Variants in MNS1 observed in about 807,000 individuals in gnomAD.
MNS1 encodes meiosis-specific nuclear structural protein 1.
In MNS1, 63 loss-of-function variants were observed where a neutral mutation model predicts 72.0. That is an observed-to-expected ratio of 0.87 (90% CI 0.71 to 1.08). MNS1 has a LOEUF of 1.08. Ranked by LOEUF, MNS1 falls within the 50% of genes least tolerant of loss-of-function variation. The pLI, the probability that MNS1 is intolerant of heterozygous loss-of-function variation, is 0.00. For synonymous variants in MNS1, 188 were observed against 172.1 expected, an observed-to-expected ratio of 1.09 and a Z score of -0.72; for missense variants, 604 against 562.4, an observed-to-expected ratio of 1.07 and a Z score of -0.75.
Position 56,461,975 on chromosome 15 carries a change from G to GTTTT in MNS1, c.225+2047_225+2050dup, listed in dbSNP as rs56022687. Among the ~76,000 whole-genome samples, 325 of 97,740 alleles carry GTTTT rather than the reference G, an allele frequency of 3.3e-3. 4 individuals are homozygous for GTTTT. Among genetic ancestry groups the GTTTT allele is most frequent in the Middle Eastern group, 5.6e-3 (1 of 178 alleles). 64.1% of individuals were successfully genotyped at this position (97,740 alleles called of 152,430 possible). On this transcript the variant is annotated intron_variant, in intron 2 of 9. Transcript: ENST00000260453. ...AATAACAAAGTGTTTTTTTGTTGTT[G>GTTTT]TTTTTTTTTTTTTTTTTTTTTTTTT...
At chr15:56,448,432 T>C (rs1200449175) in intron 3 of MNS1, among the ~76,000 whole-genome samples, 1 of 152,138 alleles carries the variant, frequency 6.6e-6, no homozygotes, top group Non-Finnish European at 1.5e-5. Flanking sequence ...TGTTCCCATA[T>C]ATGTCTATGT....
chr15:56,464,391 T>C, intron 1 of MNS1, 144 bp from the exon 2 acceptor site: 1 of 627,132 alleles, frequency 1.6e-6, no homozygotes, highest in South Asian at 2.0e-5. Flanking sequence ...GAATAAAAAG[T>C]AAACGTGGTA....
intron 8 of MNS1, among the ~76,000 whole-genome samples, chr15:56,433,360 T>C (rs1303518522): frequency 2.6e-5 from 4 of 151,928 alleles, no homozygotes; most frequent in South Asian, 2.1e-4. Flanking sequence ...CAAACCACCA[T>C]GGCACATGTA....
intron 2 of MNS1, among the ~76,000 whole-genome samples, chr15:56,458,970 A>G (rs4774860): frequency 0.3 from 45,519 of 152,134 alleles, 7,278 homozygotes; most frequent in Middle Eastern, 0.48. Flanking sequence ...TAAATGCTAT[A>G]GATATATATA....
intron 7 of MNS1, among the ~76,000 whole-genome samples, chr15:56,441,160 A>G (rs936525574): frequency 1.3e-5 from 2 of 152,152 alleles, no homozygotes; most frequent in Non-Finnish European, 2.9e-5. Flanking sequence ...TTATTTAGAA[A>G]TATATTGTTT....
chr15:56,458,257 T>C (rs1172427815), intron 2 of MNS1, among the ~76,000 whole-genome samples: 4 of 152,210 alleles, frequency 2.6e-5, no homozygotes, highest in Admixed American at 2.0e-4. Flanking sequence ...ATGTTGTGTA[T>C]CTATCACCAC....
At chr15:56,457,009 T>C (rs893318034) in intron 2 of MNS1, among the ~76,000 whole-genome samples, 1 of 152,206 alleles carries the variant, frequency 6.6e-6, no homozygotes, top group Admixed American at 6.5e-5. Context: ...ATTCAAGCTT[T>C]CCCAATTGTC....
chr15:56,439,767 A>C (rs902591551), intron 7 of MNS1, among the ~76,000 whole-genome samples: 76 of 151,298 alleles, frequency 5.0e-4, no homozygotes, highest in Non-Finnish European at 7.5e-4. Flanking sequence ...AAAAAAACCC[A>C]AAAAAACAAA....
Position 56,444,490 on chromosome 15 carries a change from G to A in MNS1, c.640C>T (p.Leu214Phe). The change falls in exon 5 of 10, where the codon CTC becomes TTC. Residue 214 changes from leucine to phenylalanine, a missense_variant. Coordinates refer to ENST00000260453, the MANE Select transcript of MNS1 (RefSeq NM_018365.4). ...TTCCTAACAATTTCATCAATCATGAGTTTCTCTTTTAGCAGCTGCTCATAA... is the reference window on the plus strand; with the variant it reads ...TTCCTAACAATTTCATCAATCATGAATTTCTCTTTTAGCAGCTGCTCATAA... ...EAYEQLLKEK[L>F]MIDEIVRKIY... 1 of 1,608,990 alleles carries A rather than the reference G, an allele frequency of 6.2e-7. No individual in the cohort carries two copies. The highest frequency in any genetic ancestry group is 8.5e-7 in the Non-Finnish European group (1 of 1,178,812).
intron 7 of MNS1, among the ~76,000 whole-genome samples, chr15:56,440,526 T>G (rs795792): frequency 1 from 152,140 of 152,286 alleles, 75,997 homozygotes; most frequent in Non-Finnish European, 1. Flanking sequence ...AATGTTTACA[T>G]CAGATTTACT....
intron 7 of MNS1, 53 bp from the exon 8 acceptor site, chr15:56,434,448 T>C: frequency 1.3e-6 from 2 of 1,526,714 alleles, no homozygotes; most frequent in Non-Finnish European, 1.8e-6. Context: ...ACACCAGATT[T>C]ATAAGGAAAG....
rs527975098 is a variant in MNS1 at position 56,450,587 on chromosome 15, AT to A, written c.354-3645del. 1.1e-3 allele frequency among the ~76,000 whole-genome samples: 158 copies of A among 149,318 alleles called. 1 individual carries two copies. The highest frequency in any genetic ancestry group is 6.4e-3 in the East Asian group (33 of 5,130). ...ATATTTTAGCATGTATCAGTGCTTC[AT>A]TTTTTTTTTATAACTGAAGGATATT... On this transcript the variant is annotated intron_variant, in intron 3 of 9. Coordinates refer to ENST00000260453, the MANE Select transcript of MNS1 (RefSeq NM_018365.4).
At chr15:56,433,460 T>A (rs757555371) in intron 8 of MNS1, among the ~76,000 whole-genome samples, 7 of 152,052 alleles carry the variant, frequency 4.6e-5, no homozygotes, top group Non-Finnish European at 7.4e-5. Context: ...ATGACAGTAT[T>A]ATTTATTAGG....
chr15:56,448,434 T>A (rs2050923734), intron 3 of MNS1, among the ~76,000 whole-genome samples: 1 of 152,138 alleles, frequency 6.6e-6, no homozygotes. Flanking sequence ...TTCCCATATA[T>A]GTCTATGTGT....
chr15:56,444,696 C>G, intron 4 of MNS1, 23 bp from the exon 5 acceptor site: 1 of 1,583,090 alleles, frequency 6.3e-7, no homozygotes, highest in Non-Finnish European at 8.6e-7. Flanking sequence ...CAAAATTGAT[C>G]TTTCCGTTTT....
chr15:56,464,218 A>T lies in MNS1; in HGVS notation c.33T>A (p.Ser11Arg). ...CATCTACTAATTTCTGATGCCTTTC[A>T]CTACAGCTCAAATTTCTCCTTTTGG... MGSKRRNLSC[S>R]ERHQKLVDEN... is the part of the protein sequence containing the mutation. Residue 11 changes from serine to arginine, a missense_variant, in exon 2 of 10, where the codon AGT becomes AGA. Ser to Arg is a moderately radical substitution (Grantham distance 110). Transcript: ENST00000260453. 1 of 1,611,718 alleles carries T rather than the reference A, an allele frequency of 6.2e-7. No homozygotes were observed. The highest frequency in any genetic ancestry group is 2.2e-5 in the East Asian group (1 of 44,844).
chr15:56,447,158 T>A, intron 3 of MNS1: 1 of 418,930 alleles, frequency 2.4e-6, no homozygotes, highest in Non-Finnish European at 4.3e-6. Context: ...CTCTGTTCTA[T>A]TACATTCATC....
intron 1 of MNS1, 126 bp downstream of exon 1, chr15:56,464,844 C>A: frequency 7.2e-7 from 1 of 1,386,010 alleles, no homozygotes; most frequent in Non-Finnish European, 1.0e-6. Context: ...CCTCCGAAAG[C>A]AAATACAAGT....
intron 8 of MNS1, 131 bp downstream of exon 8, chr15:56,434,007 T>G (rs946599330): frequency 1.1e-4 from 111 of 985,280 alleles, no homozygotes; most frequent in Non-Finnish European, 1.5e-4. Context: ...GTCAGAAAAT[T>G]TATATATATA....
Sources: gnomAD v4.1 joint callset for allele counts (sites outside exome capture counted in the v4.1 genomes callset) on GRCh38, gnomAD v4.1.1 for gene constraint, MANE v1.5 for transcripts, NCBI Gene and HGNC (gene_info 2026-07-23, HGNC 2026-07-21) for gene names.